Variants in RFC5 observed in about 807,000 individuals in gnomAD.
The protein encoded by RFC5 is A1 36 kDa subunit.
A neutral mutation model predicts 44.3 loss-of-function variants in RFC5; 26 were observed. That is an observed-to-expected ratio of 0.59 (90% confidence interval 0.43 to 0.81). The LOEUF (loss-of-function observed/expected upper bound fraction) is 0.81, where lower values mean the gene tolerates loss of function less well. Among genes scored for constraint, RFC5 ranks in the 40% least tolerant of loss-of-function variants. The pLI, the probability that RFC5 is intolerant of heterozygous loss-of-function variation, is 0.00. For missense variants in RFC5, 328 were observed against 418.6 expected (o/e 0.78, Z 1.89); for synonymous variants, 155 against 155.2 (o/e 1.00, Z 0.01).
chr12:118,017,449 A>G (rs1330575614), intron 1 of RFC5, among the ~76,000 whole-genome samples: 1 of 152,120 alleles, frequency 6.6e-6, no homozygotes, highest in Non-Finnish European at 1.5e-5. Context: ...CAAGGGAGAA[A>G]ATTGGCTTGG....
chr12:118,037,650 A>T (rs1041816940), downstream of RFC5, among the ~76,000 whole-genome samples: 1 of 151,506 alleles, frequency 6.6e-6, no homozygotes, highest in African/African-American at 2.4e-5. Context: ...CTTGGGCAAC[A>T]ACAGCGAAAC....
Position 118,019,160 on chromosome 12 carries a change from T to C in RFC5, c.130+24T>C. ...CAGTAAGTATTCATGTGTCAGTTGCTCTTGTCCTGCTTGAGCGACTTGTAT... is the reference window on the plus strand; with the variant it reads ...CAGTAAGTATTCATGTGTCAGTTGCCCTTGTCCTGCTTGAGCGACTTGTAT... On this transcript the variant is annotated intron_variant, in intron 2 of 10. Coordinates refer to ENST00000454402, the MANE Select transcript of RFC5 (RefSeq NM_007370.7). The surrounding 1 kb of genome is among the most constrained non-coding windows in gnomAD (Gnocchi z 4.2). 1.9e-6 allele frequency: 3 copies of C among 1,567,456 alleles called. No homozygotes were observed. Among genetic ancestry groups the C allele is most frequent in the Non-Finnish European group, 2.6e-6 (3 of 1,137,974 alleles).
At chr12:118,022,442 A>G (rs981949366) in intron 5 of RFC5, 83 bp downstream of exon 5, 7 of 997,338 alleles carry the variant, frequency 7.0e-6, no homozygotes, top group Admixed American at 4.2e-5. Flanking sequence ...TGCTGTTGTC[A>G]TTGTTTTTTT....
Position 118,019,109 on chromosome 12 carries a change from A to G in RFC5, c.103A>G (p.Ile35Val). 1 of 1,612,336 alleles carries G rather than the reference A, an allele frequency of 6.2e-7. No individual in the cohort carries two copies. Among genetic ancestry groups the G allele is most frequent in the Non-Finnish European group, 8.5e-7 (1 of 1,178,512 alleles). The change falls in exon 2 of 11, where the codon ATT becomes GTT. Residue 35 changes from isoleucine to valine, a missense_variant. Transcript: ENST00000454402. The surrounding 1 kb of genome is among the most constrained non-coding windows in gnomAD (Gnocchi z 4.2). ...CCGGCCACAGACCCTGAATGATCTCATTTCTCATCAGGACATTCTGAGTAC... is the reference window on the plus strand; with the variant it reads ...CCGGCCACAGACCCTGAATGATCTCGTTTCTCATCAGGACATTCTGAGTAC... ...KYRPQTLNDL[I>V]SHQDILSTIQ...
At chr12:118,038,138 A>G in the RFC5 span, 17 of 604,694 alleles carry the variant, frequency 2.8e-5, 1 homozygote, top group Non-Finnish European at 3.8e-5. Flanking sequence ...GCAAGTCACA[A>G]GGGACTTTTG....
At chr12:118,039,817 C>G in the RFC5 span, among the ~76,000 whole-genome samples, 1 of 151,544 alleles carries the variant, frequency 6.6e-6, no homozygotes. Context: ...GATCCCGGCT[C>G]ACTGCAACCT....
chr12:118,040,698 G>C, the RFC5 span, among the ~76,000 whole-genome samples: 1 of 151,502 alleles, frequency 6.6e-6, no homozygotes, highest in Non-Finnish European at 1.5e-5. Context: ...AAGCTGTCCT[G>C]ATCAGCAGCA....
At chr12:118,029,911 G>GT in intron 10 of RFC5, 86 bp downstream of exon 10, 2 of 1,029,292 alleles carry the variant, frequency 1.9e-6, no homozygotes, top group Non-Finnish European at 1.5e-6. Flanking sequence ...TTGGTTTCAG[G>GT]TTTTTTTCCT....
downstream of RFC5, chr12:118,033,940 C>G (rs181946603): frequency 3.4e-4 from 164 of 478,316 alleles, no homozygotes; most frequent in Non-Finnish European, 7.6e-5. Flanking sequence ...ACTTGCTGTT[C>G]ATAACTGGAC....
rs1418000053 is a variant in RFC5, at chr12:118,028,124, CA to C, written c.871+97del. On this transcript the variant is annotated intron_variant, in intron 9 of 10. Transcript: ENST00000454402. ...AGGACAGGAGGCTTCATTCTTGAAG[CA>C]AAGAAACTAATGAATTGTAAATCAG... 4.3e-5 allele frequency: 33 copies of C among 770,812 alleles called. No homozygotes were observed. In the African/African-American group the frequency reaches 5.5e-4, roughly 13 times the overall value. The allele number at this position is 770,812 out of a possible 1,614,324, so 47.7% of individuals were successfully genotyped here.
rs755917281 is a variant in RFC5, at chr12:118,026,978, G to A, written c.753G>A (p.Leu251=). Residue 251 remains leucine, a synonymous_variant, in exon 8 of 11, where the codon CTG becomes CTA. Transcript: ENST00000454402. ...TCAAGTCAGACATTGCCAACATCCT[G>A]GACTGGATGTTGAATCAAGATTTCA... is the stretch of plus-strand genomic sequence containing the variant. ...HPLKSDIANI[L]DWMLNQDFTT... 1.8e-5 allele frequency: 29 copies of A among 1,613,734 alleles called. No homozygotes were observed. Among genetic ancestry groups the A allele is most frequent in the Non-Finnish European group, 2.4e-5 (28 of 1,180,004 alleles).
intron 4 of RFC5, among the ~76,000 whole-genome samples, chr12:118,021,207 GT>G (rs879613030): frequency 2.0e-5 from 3 of 146,926 alleles, no homozygotes; most frequent in Non-Finnish European, 3.0e-5. Context: ...TAGCAAGTTT[GT>G]TTTTTTTTTC....
chr12:118,037,540 C>CAT (rs1219800505), downstream of RFC5, among the ~76,000 whole-genome samples: 3 of 151,884 alleles, frequency 2.0e-5, no homozygotes, highest in Non-Finnish European at 1.5e-5. Flanking sequence ...TGGTGTAGCA[C>CAT]GCCTATAATC....
At chr12:118,022,463 G>A (rs776823526) in intron 5 of RFC5, 104 bp downstream of exon 5, 9 of 829,382 alleles carry the variant, frequency 1.1e-5, no homozygotes, top group Non-Finnish European at 1.8e-5. Context: ...AGGCGGGGGG[G>A]AGTTTTTTTT....
At chr12:118,029,918 T>C in intron 10 of RFC5, 93 bp downstream of exon 10, 2 of 953,642 alleles carry the variant, frequency 2.1e-6, no homozygotes, top group Non-Finnish European at 3.4e-6. Flanking sequence ...CAGGTTTTTT[T>C]CCTAAATCGT....
At chr12:118,023,187 C>G (rs2030635411) in intron 5 of RFC5, among the ~76,000 whole-genome samples, 1 of 151,766 alleles carries the variant, frequency 6.6e-6, no homozygotes, top group Non-Finnish European at 1.5e-5. Context: ...TATTACTTCA[C>G]TGCTTGCCAA....
intron 5 of RFC5, among the ~76,000 whole-genome samples, chr12:118,023,418 AG>A: frequency 8.5e-5 from 1 of 11,778 alleles, no homozygotes; most frequent in Admixed American, 1.2e-3. Context: ...AGGAGGGGGG[AG>A]GAGGGGAGGA....
rs760347865 is a variant in RFC5 at position 118,024,912 on chromosome 12, C to T, written c.483C>T (p.Ile161=). 2 of 1,613,930 alleles carry T rather than the reference C, an allele frequency of 1.2e-6. No individual in the cohort carries two copies. Among genetic ancestry groups the T allele is most frequent in the Non-Finnish European group, 8.5e-7 (1 of 1,179,826 alleles). The change falls in exon 6 of 11, where the codon ATC becomes ATT. Residue 161 remains isoleucine, a synonymous_variant. Transcript: ENST00000454402. Reference sequence around the variant, plus strand: ...TCATCTGTAACTATCTGTCAAAGATCATCCCTGCCTTGCAGTCCCGCTGCA... The same window carrying T: ...TCATCTGTAACTATCTGTCAAAGATTATCCCTGCCTTGCAGTCCCGCTGCA... ...FCLICNYLSK[I]IPALQSRCTR...
In RFC5 at chr12:118,018,848, A is replaced by G. The variant is rs5745809; in HGVS notation, c.66-224A>G. On this transcript the variant is annotated intron_variant, in intron 1 of 10. Transcript: ENST00000454402. ...TAGCAGACACCCTGTTAGTTGTTCT[A>G]TCCTTACAAAGACCCTAGGAGGTAC... is the stretch of plus-strand genomic sequence containing the variant. Among the ~76,000 whole-genome samples the G allele has an allele frequency of 4.6e-3, 705 of 152,148 alleles. 9 individuals carry two copies. The highest frequency in any genetic ancestry group is 0.016 in the African/African-American group (680 of 41,496).
Sources: allele counts gnomAD v4.1 joint callset (sites outside exome capture counted in the v4.1 genomes callset), GRCh38; gene constraint gnomAD v4.1.1; non-coding constraint Gnocchi (gnomAD v3.1); transcripts MANE v1.5; gene names NCBI Gene and HGNC (gene_info 2026-07-23, HGNC 2026-07-21).